The following WDR7 variants were observed in gnomAD, a reference collection of about 807,000 sequenced individuals.
WDR7 encodes WD repeat domain 7.
Under a neutral mutation model 169.4 loss-of-function variants are expected in WDR7, and 46 were observed. That is an observed-to-expected ratio of 0.27 (90% CI 0.21 to 0.35). WDR7 has a LOEUF of 0.35. WDR7 is among the 10% of genes least tolerant of loss of function. The probability of loss-of-function intolerance (pLI) is 1.00; values close to 1 mark genes in which losing one functional copy is unlikely to be tolerated. For synonymous variants in WDR7, 612 were observed against 666.8 expected (o/e 0.92, Z 1.27); for missense variants, 1,534 against 1,859.3 (o/e 0.83, Z 3.22).
At chr18:56,978,787 C>T (rs2047601859) in intron 26 of WDR7, among the ~76,000 whole-genome samples, 1 of 152,136 alleles carries the variant, frequency 6.6e-6, no homozygotes, top group African/African-American at 2.4e-5. Flanking sequence ...GTCTTTAATT[C>T]AGAATCTTTA....
chr18:56,937,597 A>C (rs1183927193), intron 23 of WDR7, among the ~76,000 whole-genome samples: 1 of 152,202 alleles, frequency 6.6e-6, no homozygotes, highest in Non-Finnish European at 1.5e-5. Flanking sequence ...ACGATTGTAT[A>C]GGGAAAATCA....
chr18:56,899,077 A>C (rs2046368084), intron 21 of WDR7, among the ~76,000 whole-genome samples: 1 of 152,096 alleles, frequency 6.6e-6, no homozygotes, highest in Non-Finnish European at 1.5e-5. Flanking sequence ...TTATGTTAAG[A>C]ATTAAGAATA....
At chr18:57,004,673 A>G (rs2048030740) in intron 26 of WDR7, among the ~76,000 whole-genome samples, 1 of 152,200 alleles carries the variant, frequency 6.6e-6, no homozygotes, top group Non-Finnish European at 1.5e-5. Flanking sequence ...GCCAGGAGTG[A>G]CACAGTAAAT....
rs2046084151 is a variant in WDR7 at position 56,880,103 on chromosome 18, A to G, written c.3464A>G (p.Gln1155Arg). 2 of 1,614,114 alleles carry G rather than the reference A, an allele frequency of 1.2e-6. No homozygotes were observed. The highest frequency in any genetic ancestry group is 1.7e-6 in the Non-Finnish European group (2 of 1,179,984). ...TTGACCAGACCTCGAAGCTCTAGCC[A>G]AATTCCTGAGGGATTCGGGTTGACT... is the stretch of plus-strand genomic sequence containing the variant. ...KLLTRPRSSS[Q>R]IPEGFGLTSG... Residue 1155 changes from glutamine to arginine, a missense_variant, in exon 21 of 28, where the codon CAA (glutamine) becomes CGA (arginine). Coordinates refer to ENST00000254442, the MANE Select transcript of WDR7 (RefSeq NM_015285.3).
At chr18:56,958,081 T>C (rs183385437) in intron 25 of WDR7, among the ~76,000 whole-genome samples, 216 of 152,316 alleles carry the variant, frequency 1.4e-3, no homozygotes, top group African/African-American at 4.6e-3. Context: ...AAAGTATAAA[T>C]AGGGAGTGCC....
chr18:56,986,128 TTGTGTGTGTGTGTGTGTGTGTGTGTGTG>T (rs60449836), intron 26 of WDR7, among the ~76,000 whole-genome samples: 7 of 136,258 alleles, frequency 5.1e-5, no homozygotes, highest in South Asian at 2.5e-4. Context: ...TTCAGCTTCT[TTGTGTGTGTGTGTGTGTGTGTGTGTGTG>T]TGTGTGTGTG....
chr18:56,724,137 C>G (rs543610429), intron 13 of WDR7, among the ~76,000 whole-genome samples: 1 of 140,254 alleles, frequency 7.1e-6, no homozygotes, highest in Non-Finnish European at 1.6e-5. Flanking sequence ...TTTATCAGTT[C>G]TGGGCTTGTT....
chr18:56,830,989 C>T (rs558253823), intron 20 of WDR7, among the ~76,000 whole-genome samples: 1 of 152,318 alleles, frequency 6.6e-6, no homozygotes, highest in Admixed American at 6.5e-5. Flanking sequence ...TCACTCTGTG[C>T]AGCTTAATGG....
chr18:57,027,398 G>A lies in WDR7; in HGVS notation c.*191G>A. ...CCCGCTCGTGCCATCTGTCGATTCA[G>A]AGGCACGCACACATGCTCTGCAGGA... On this transcript the variant is annotated 3_prime_UTR_variant, in exon 28 of 28. Transcript: ENST00000254442. 1.5e-6 allele frequency: 1 copy of A among 674,278 alleles called. No homozygotes were observed. The highest frequency in any genetic ancestry group is 2.5e-6 in the Non-Finnish European group (1 of 404,494). The allele number at this position is 674,278 out of a possible 1,614,324, so 41.8% of individuals were successfully genotyped here. A position where few individuals can be genotyped will look rare whatever the true frequency, so the allele number is the denominator to read the frequency against.
At chr18:56,994,486 G>A (rs1331834957) in intron 26 of WDR7, among the ~76,000 whole-genome samples, 2 of 152,112 alleles carry the variant, frequency 1.3e-5, no homozygotes, top group African/African-American at 4.8e-5. Flanking sequence ...CATTAAATGT[G>A]CTCTCTCATC....
chr18:56,817,724 A>G (rs1479751478), intron 20 of WDR7, among the ~76,000 whole-genome samples: 1 of 152,028 alleles, frequency 6.6e-6, no homozygotes, highest in African/African-American at 2.4e-5. Context: ...GGTAGCTGCT[A>G]AAGAAAATCT....
At chr18:56,857,581 G>T (rs1024703829) in intron 20 of WDR7, among the ~76,000 whole-genome samples, 1 of 151,938 alleles carries the variant, frequency 6.6e-6, no homozygotes, top group African/African-American at 2.4e-5. Flanking sequence ...TTACGTACAC[G>T]CCTATGCATA....
chr18:56,933,093 G>A (rs187919137), intron 22 of WDR7, among the ~76,000 whole-genome samples: 186 of 152,220 alleles, frequency 1.2e-3, no homozygotes, highest in African/African-American at 4.2e-3. Context: ...TGGATTCTAG[G>A]AGGACACTGT....
At chr18:56,943,569 A>G (rs1380071128) in intron 25 of WDR7, among the ~76,000 whole-genome samples, 1 of 152,126 alleles carries the variant, frequency 6.6e-6, no homozygotes, top group Non-Finnish European at 1.5e-5. Context: ...TTTTCCATGG[A>G]TCTCTCTAAG....
At chr18:56,861,616 C>T (rs2045805552) in intron 20 of WDR7, among the ~76,000 whole-genome samples, 1 of 151,856 alleles carries the variant, frequency 6.6e-6, no homozygotes. Flanking sequence ...TTTGTGGTTT[C>T]ATTTTTTTTT....
At chr18:56,796,725 T>C (rs2044591230) in intron 19 of WDR7, among the ~76,000 whole-genome samples, 1 of 152,182 alleles carries the variant, frequency 6.6e-6, no homozygotes, top group South Asian at 2.1e-4. Flanking sequence ...CTATGATCAG[T>C]TCTTTTACAT....
chr18:57,032,801 T>TTATTTATATATA (rs1210749361), downstream of WDR7: 21 of 106,164 alleles, frequency 2.0e-4, no homozygotes, highest in African/African-American at 6.7e-4. Flanking sequence ...TATAATTATT[T>TTATTTATATATA]TATATATATA....
At chr18:56,794,304 A>ATTTTTCTTTTTTTTTTTTTTTTTTTT (rs2044543880) in intron 19 of WDR7, among the ~76,000 whole-genome samples, 1 of 49,466 alleles carries the variant, frequency 2.0e-5, no homozygotes, top group African/African-American at 6.6e-5. Context: ...GGTAAAGTCT[A>ATTTTTCTTTTTTTTTTTTTTTTTTTT]TTTTTTTTTT....
At chr18:56,917,360 A>T (rs1016370275) in intron 21 of WDR7, among the ~76,000 whole-genome samples, 2 of 152,202 alleles carry the variant, frequency 1.3e-5, no homozygotes, top group Non-Finnish European at 2.9e-5. Flanking sequence ...GCTGAAAATG[A>T]TACGTGATGC....
Sources: gnomAD v4.1 joint callset for allele counts (sites outside exome capture counted in the v4.1 genomes callset) on GRCh38, gnomAD v4.1.1 for gene constraint, MANE v1.5 for transcripts, NCBI Gene and HGNC (gene_info 2026-07-23, HGNC 2026-07-21) for gene names.